Variants in NIPAL3 observed in about 807,000 individuals in gnomAD.
The protein encoded by NIPAL3 is NIPA like domain containing 3, also known as NIPA-like protein 3.
A neutral mutation model predicts 47.2 loss-of-function variants in NIPAL3; 41 were observed. That is an observed-to-expected ratio of 0.87 (90% confidence interval 0.68 to 1.13). The LOEUF is 1.13. NIPAL3 is among the 50% of genes most tolerant of loss of function. The pLI is 0.00. For missense variants in NIPAL3, 449 were observed against 530.1 expected (o/e 0.85, Z 1.50); for synonymous variants, 194 against 209.6 (o/e 0.93, Z 0.64).
Position 24,442,815 on chromosome 1 carries a change from A to G in NIPAL3, c.334+589A>G, listed in dbSNP as rs147769790. ...AATGAAACAAACAAACAAAAAAGAA[A>G]AACAATTAGCTGGGCATGGTGGTAT... On this transcript the variant is annotated intron_variant, in intron 4 of 11. Transcript: ENST00000374399. Among the ~76,000 whole-genome samples, 91 of 152,220 alleles carry G rather than the reference A, an allele frequency of 6.0e-4. No individual in the cohort carries two copies. In the East Asian group the frequency reaches 0.015, roughly 25 times the overall value.
chr1:24,440,326 C>T, intron 3 of NIPAL3, 86 bp downstream of exon 3: 1 of 1,044,652 alleles, frequency 9.6e-7, no homozygotes, highest in Non-Finnish European at 1.3e-6. Context: ...TGCCTCCTCT[C>T]TGCAGGGCCT....
chr1:24,429,379 G>A (rs1377804196), intron 2 of NIPAL3, among the ~76,000 whole-genome samples: 1 of 152,090 alleles, frequency 6.6e-6, no homozygotes, highest in African/African-American at 2.4e-5. Context: ...TTATCTAACA[G>A]TATTGAGTAC....
At position 24,472,693 on chromosome 1, in the gene NIPAL3, A is replaced by G. The variant is rs969867972; in HGVS notation, c.*3508A>G. 1 of 152,178 alleles carries G rather than the reference A, an allele frequency of 6.6e-6. No homozygotes were observed. Among genetic ancestry groups the G allele is most frequent in the African/African-American group, 2.4e-5 (1 of 41,452 alleles). The allele number at this position is 152,178 out of a possible 1,614,324, so 9.4% of individuals were successfully genotyped here. ...AGTGGAAACCAGCCAGTTTGACGGC[A>G]CGGTGCGGATACAGGACTCCATCAG... On this transcript the variant is annotated 3_prime_UTR_variant, in exon 12 of 12. Transcript: ENST00000374399.
At chr1:24,428,453 A>C (rs1296699036) in intron 2 of NIPAL3, among the ~76,000 whole-genome samples, 1 of 152,148 alleles carries the variant, frequency 6.6e-6, no homozygotes, top group Non-Finnish European at 1.5e-5. Context: ...GAGGGTCCTG[A>C]CTCATGTAAG....
chr1:24,428,258 A>AAGAGAGAGAGAGAGAGAGAGAGGGAGAG (rs1644699627), intron 2 of NIPAL3, among the ~76,000 whole-genome samples: 1 of 119,478 alleles, frequency 8.4e-6, no homozygotes. Context: ...CTCAAAAAGA[A>AAGAGAGAGAGAGAGAGAGAGAGGGAGAG]AGAGAGAGAG....
chr1:24,430,589 T>C (rs1431657571), intron 2 of NIPAL3, among the ~76,000 whole-genome samples: 1 of 152,198 alleles, frequency 6.6e-6, no homozygotes, highest in African/African-American at 2.4e-5. Flanking sequence ...CCAAGTTACA[T>C]GCTAAAAGTC....
intron 5 of NIPAL3, among the ~76,000 whole-genome samples, chr1:24,445,775 A>G (rs1297459833): frequency 6.6e-6 from 1 of 152,192 alleles, no homozygotes; most frequent in African/African-American, 2.4e-5. Context: ...GGAGACACTT[A>G]GCCAGAATTA....
chr1:24,462,604 TA>T (rs1646522041), intron 10 of NIPAL3, among the ~76,000 whole-genome samples: 1 of 151,774 alleles, frequency 6.6e-6, no homozygotes, highest in Non-Finnish European at 1.5e-5. Context: ...CTGTCTCTAC[TA>T]AAAATACAAA....
At chr1:24,430,235 C>CT (rs5773087) in intron 2 of NIPAL3, among the ~76,000 whole-genome samples, 131 of 143,124 alleles carry the variant, frequency 9.2e-4, no homozygotes, top group East Asian at 2.4e-3. Flanking sequence ...TCACTAAATT[C>CT]TTTTTTTTTT....
intron 11 of NIPAL3, chr1:24,464,479 G>A (rs1646615464): frequency 6.2e-6 from 1 of 160,412 alleles, no homozygotes; most frequent in Non-Finnish European, 1.4e-5. Context: ...TGAGTGGAAT[G>A]AAATTAAAAT....
At chr1:24,461,537 C>T (rs1418124478) in intron 10 of NIPAL3, among the ~76,000 whole-genome samples, 8 of 143,584 alleles carry the variant, frequency 5.6e-5, no homozygotes, top group Non-Finnish European at 1.0e-4. Flanking sequence ...AGCAAAATTC[C>T]GTCTCAAAAA....
At chr1:24,459,285 A>G (rs763652465) in intron 9 of NIPAL3, among the ~76,000 whole-genome samples, 3 of 152,180 alleles carry the variant, frequency 2.0e-5, no homozygotes, top group Non-Finnish European at 2.9e-5. Context: ...TACTGTGTGT[A>G]CTTTAACAAG....
intron 2 of NIPAL3, among the ~76,000 whole-genome samples, chr1:24,423,555 G>A (rs1420927152): frequency 1.3e-5 from 2 of 152,040 alleles, no homozygotes; most frequent in Non-Finnish European, 2.9e-5. Context: ...GCGTGAACCC[G>A]GGAGGCAGAG....
chr1:24,442,991 T>C (rs1179497352), intron 4 of NIPAL3, among the ~76,000 whole-genome samples: 1 of 152,038 alleles, frequency 6.6e-6, no homozygotes, highest in Non-Finnish European at 1.5e-5. Context: ...AATTAAGCTT[T>C]TGTAGGGTTT....
At chr1:24,430,572 A>G (rs987363000) in intron 2 of NIPAL3, among the ~76,000 whole-genome samples, 2 of 151,822 alleles carry the variant, frequency 1.3e-5, no homozygotes, top group African/African-American at 4.8e-5. Flanking sequence ...AATTCTTTAA[A>G]CTCCTTCCAA....
chr1:24,437,568 C>G (rs1024150844), intron 2 of NIPAL3, among the ~76,000 whole-genome samples: 4 of 150,718 alleles, frequency 2.7e-5, no homozygotes, highest in Non-Finnish European at 5.9e-5. Flanking sequence ...TTGGGCTGTT[C>G]CTGGCTTCAG....
intron 8 of NIPAL3, among the ~76,000 whole-genome samples, chr1:24,456,656 A>G (rs556667998): frequency 1.3e-5 from 2 of 152,350 alleles, no homozygotes; most frequent in Admixed American, 1.3e-4. Flanking sequence ...CCAGCTACTC[A>G]GGAAGCTGAG....
chr1:24,449,647 T>C lies in NIPAL3; in HGVS notation c.540+21T>C. 1 of 1,607,480 alleles carries C rather than the reference T, an allele frequency of 6.2e-7. No homozygotes were observed. ...ACATGGTAAGAGAAGCCTCCAGTCG[T>C]TCCCCCTGAGATGGCAGGAGGGAGA... On this transcript the variant is annotated intron_variant, in intron 6 of 11. Coordinates refer to ENST00000374399, the MANE Select transcript of NIPAL3 (RefSeq NM_020448.5). This position sits in a 1 kb window ranked among gnomAD's most constrained non-coding sequence, Gnocchi z 4.5.
intron 9 of NIPAL3, 32 bp downstream of exon 9, chr1:24,459,008 T>A: frequency 1.3e-6 from 2 of 1,588,970 alleles, no homozygotes; most frequent in Non-Finnish European, 1.7e-6. Flanking sequence ...ATTTCTGTCT[T>A]CTACTTTAGC....
Sources: gnomAD v4.1 joint callset for allele counts (sites outside exome capture counted in the v4.1 genomes callset) on GRCh38, gnomAD v4.1.1 for gene constraint, Gnocchi (gnomAD v3.1) non-coding constraint, MANE v1.5 for transcripts, NCBI Gene and HGNC (gene_info 2026-07-23, HGNC 2026-07-21) for gene names.